The following MOB3B variants were observed in gnomAD, a reference collection of about 807,000 sequenced individuals.
The protein encoded by MOB3B is MOB kinase activator-like 2B.
In MOB3B, 7 loss-of-function variants were observed where a neutral mutation model predicts 18.7. The ratio of observed to expected loss-of-function variants is 0.37; its 90% CI spans 0.21 to 0.70. The LOEUF is 0.70. Ranked by LOEUF, MOB3B falls within the 30% of genes least tolerant of loss-of-function variation. The pLI is 0.52. For synonymous variants in MOB3B, 111 were observed against 99.9 expected (o/e 1.11, Z -0.66); for missense variants, 253 against 281.3 (o/e 0.90, Z 0.72).
intron 2 of MOB3B, 35 bp downstream of exon 2, chr9:27,455,098 G>T: frequency 1.9e-6 from 3 of 1,612,616 alleles, no homozygotes; most frequent in Non-Finnish European, 1.7e-6. Context: ...GATTGTGCAG[G>T]TGACAAAAAA....
intron 3 of MOB3B, among the ~76,000 whole-genome samples, chr9:27,349,800 A>C (rs1821080168): frequency 6.6e-6 from 1 of 152,316 alleles, no homozygotes; most frequent in Admixed American, 6.5e-5. Flanking sequence ...ATAAAGTAGG[A>C]GAGAAGTGGC....
At chr9:27,413,311 C>T (rs941223235) in intron 2 of MOB3B, among the ~76,000 whole-genome samples, 1 of 151,424 alleles carries the variant, frequency 6.6e-6, no homozygotes, top group Non-Finnish European at 1.5e-5. Context: ...ATTTCATTCT[C>T]GTTACTGAAA....
chr9:27,451,606 G>A (rs1822786212), intron 2 of MOB3B, among the ~76,000 whole-genome samples: 1 of 152,084 alleles, frequency 6.6e-6, no homozygotes, highest in Non-Finnish European at 1.5e-5. Flanking sequence ...GTATTTTCCG[G>A]TTCTATTTCC....
chr9:27,360,603 T>C (rs1821261152), intron 2 of MOB3B, among the ~76,000 whole-genome samples: 1 of 152,238 alleles, frequency 6.6e-6, no homozygotes, highest in South Asian at 2.1e-4. Flanking sequence ...TGTAGAACTA[T>C]GCACGGCACA....
At chr9:27,440,543 TA>T (rs533201275) in intron 2 of MOB3B, among the ~76,000 whole-genome samples, 123 of 152,330 alleles carry the variant, frequency 8.1e-4, no homozygotes, top group African/African-American at 2.9e-3. Flanking sequence ...ATTTGTTGCA[TA>T]AAATTTGCAA....
At chr9:27,419,281 T>C (rs1276454891) in intron 2 of MOB3B, among the ~76,000 whole-genome samples, 5 of 152,130 alleles carry the variant, frequency 3.3e-5, no homozygotes, top group Admixed American at 2.0e-4. Flanking sequence ...ACCACCATCA[T>C]TCTTCACATA....
At chr9:27,467,301 C>A (rs10115672) in intron 1 of MOB3B, among the ~76,000 whole-genome samples, 8,308 of 152,220 alleles carry the variant, frequency 0.055, 691 homozygotes, top group African/African-American at 0.19. Context: ...GCTTTAATTT[C>A]TTTCTTTGTT....
chr9:27,427,097 T>G (rs954001129), intron 2 of MOB3B, among the ~76,000 whole-genome samples: 5 of 151,820 alleles, frequency 3.3e-5, no homozygotes, highest in Admixed American at 6.6e-5. Flanking sequence ...GGGCAGGGAG[T>G]GAAAAATGCC....
At chr9:27,358,850 T>G (rs112799729) in intron 3 of MOB3B, 184 bp downstream of exon 3, 9 of 765,480 alleles carry the variant, frequency 1.2e-5, no homozygotes, top group African/African-American at 1.0e-4. Context: ...GACACTTATT[T>G]GGTGACAGTG....
At chr9:27,349,428 C>T (rs530630268) in intron 3 of MOB3B, among the ~76,000 whole-genome samples, 10 of 152,246 alleles carry the variant, frequency 6.6e-5, no homozygotes, top group South Asian at 6.2e-4. Flanking sequence ...AGTTAATACT[C>T]GCTTGACATT....
chr9:27,357,883 C>T (rs1041636321), intron 3 of MOB3B, among the ~76,000 whole-genome samples: 12 of 55,556 alleles, frequency 2.2e-4, no homozygotes, highest in Admixed American at 5.3e-4. Context: ...GAGATCCCAT[C>T]GCTACAAAAA....
At chr9:27,470,990 A>C (rs1447413871) in intron 1 of MOB3B, among the ~76,000 whole-genome samples, 1 of 152,106 alleles carries the variant, frequency 6.6e-6, no homozygotes, top group Non-Finnish European at 1.5e-5. Context: ...GAAGGAAAAA[A>C]TACAACCCCT....
intron 1 of MOB3B, among the ~76,000 whole-genome samples, chr9:27,527,558 G>A (rs1314112789): frequency 6.6e-6 from 1 of 152,168 alleles, no homozygotes; most frequent in African/African-American, 2.4e-5. Flanking sequence ...CAAGCTTCTG[G>A]TATCCACTGA....
At chr9:27,512,772 C>T (rs550303139) in intron 1 of MOB3B, among the ~76,000 whole-genome samples, 1 of 152,264 alleles carries the variant, frequency 6.6e-6, no homozygotes, top group East Asian at 1.9e-4. Context: ...ATTAGGATCA[C>T]TTTTTTTCAC....
At chr9:27,405,847 G>A (rs1821960525) in intron 2 of MOB3B, among the ~76,000 whole-genome samples, 2 of 152,126 alleles carry the variant, frequency 1.3e-5, no homozygotes, top group Admixed American at 1.3e-4. Flanking sequence ...TTCAACTGAT[G>A]CCAGAAAAGC....
intron 1 of MOB3B, among the ~76,000 whole-genome samples, chr9:27,519,272 T>C (rs150544848): frequency 6.6e-6 from 1 of 152,338 alleles, no homozygotes; most frequent in East Asian, 1.9e-4. Context: ...GGTGCTGTGA[T>C]AGCCTGGCTC....
Position 27,455,766 on chromosome 9 carries a change from A to G in MOB3B, c.-198-18T>C. On this transcript the variant is annotated intron_variant, in intron 1 of 3. Coordinates refer to ENST00000262244, the MANE Select transcript of MOB3B (RefSeq NM_024761.5). ...GTTCTTTCCTAAAGGTAGAAGAGAAAAGGGAACACATGAGTGCCCAGTTCG... is the reference window on the plus strand; with the variant it reads ...GTTCTTTCCTAAAGGTAGAAGAGAAGAGGGAACACATGAGTGCCCAGTTCG... The G allele has an allele frequency of 1.4e-6, 2 of 1,421,752 alleles. No individual in the cohort carries two copies. Among genetic ancestry groups the G allele is most frequent in the Non-Finnish European group, 1.8e-6 (2 of 1,093,066 alleles). The allele number at this position is 1,421,752 out of a possible 1,614,324, so 88.1% of individuals were successfully genotyped here. A position where few individuals can be genotyped will look rare whatever the true frequency, so the allele number is the denominator to read the frequency against.
chr9:27,498,686 G>T (rs1480972222), intron 1 of MOB3B, among the ~76,000 whole-genome samples: 1 of 152,090 alleles, frequency 6.6e-6, no homozygotes, highest in African/African-American at 2.4e-5. Flanking sequence ...TGTAGTACTG[G>T]GGTCTCATCC....
rs1214929618 is a variant in MOB3B at position 27,455,274 on chromosome 9, C to T, written c.277G>A (p.Gly93Ser). Residue 93 changes from glycine to serine, a missense_variant, in exon 2 of 4, where the codon GGC (glycine) becomes AGC (serine). Gly to Ser is a moderately conservative substitution (Grantham distance 56). Coordinates refer to ENST00000262244, the MANE Select transcript of MOB3B (RefSeq NM_024761.5). ...TGCCACCGATACTCATATTTGGGGC[C>T]CCCTGACATCACAGGACAGGTCCGC... ...TERTCPVMSG[G>S]PKYEYRWQDD... 2.5e-6 allele frequency: 4 copies of T among 1,613,894 alleles called. No individual in the cohort carries two copies. The Admixed American group carries it at 5.0e-5, about 20-fold the overall frequency.
Sources: gnomAD v4.1 joint callset for allele counts (sites outside exome capture counted in the v4.1 genomes callset) on GRCh38, gnomAD v4.1.1 for gene constraint, MANE v1.5 for transcripts, NCBI Gene and HGNC (gene_info 2026-07-23, HGNC 2026-07-21) for gene names.